SLC25A37: variants seen among roughly 807,000 people sequenced by gnomAD.
SLC25A37 encodes solute carrier family 25 member 37, also known as mitoferrin-1.
SLC25A37 carries 17 observed loss-of-function variants against 31.0 expected under a neutral mutation model. That is an observed-to-expected ratio of 0.55 (90% CI 0.38 to 0.82). SLC25A37 has a LOEUF of 0.82. SLC25A37 is among the 40% of genes least tolerant of loss of function. The pLI is 0.00. For missense variants in SLC25A37, 404 were observed against 465.8 expected (o/e 0.87, Z 1.22); for synonymous variants, 222 against 193.0 (o/e 1.15, Z -1.24).
rs2117480443 is a variant in SLC25A37 at position 23,575,407 on chromosome 8, A to G, written c.*3552A>G. The G allele has an allele frequency of 6.6e-6, 1 of 152,286 alleles. No individual in the cohort carries two copies. The highest frequency in any genetic ancestry group is 2.4e-5 in the African/African-American group (1 of 41,550). The allele number at this position is 152,286 out of a possible 1,614,324, so 9.4% of individuals were successfully genotyped here. A position where few individuals can be genotyped will look rare whatever the true frequency, so the allele number is the denominator to read the frequency against. On this transcript the variant is annotated 3_prime_UTR_variant, in exon 4 of 4. Transcript: ENST00000519973. ...GTTTTTGTGTGGGGATGTTTCTGAT[A>G]TGCTGCTACAGTTGCAAAACACTGG...
intron 1 of SLC25A37, among the ~76,000 whole-genome samples, chr8:23,544,011 C>T (rs1013701820): frequency 6.6e-6 from 1 of 151,968 alleles, no homozygotes; most frequent in Non-Finnish European, 1.5e-5. Context: ...CAGGTGTGTG[C>T]CACCACGCCC....
chr8:23,543,828 G>A (rs925687436), intron 1 of SLC25A37, among the ~76,000 whole-genome samples: 6 of 127,560 alleles, frequency 4.7e-5, no homozygotes, highest in African/African-American at 1.0e-4. Flanking sequence ...GAGCCACTGC[G>A]CCCAGCAAAA....
At chr8:23,537,564 G>A (rs984689961) in intron 1 of SLC25A37, among the ~76,000 whole-genome samples, 22 of 152,332 alleles carry the variant, frequency 1.4e-4, no homozygotes, top group African/African-American at 5.3e-4. Context: ...TTCCTGGTGG[G>A]CTGCAGTTTT....
intron 3 of SLC25A37, among the ~76,000 whole-genome samples, chr8:23,570,878 A>G (rs1306447321): frequency 6.6e-6 from 1 of 152,192 alleles, no homozygotes; most frequent in East Asian, 1.9e-4. Context: ...TTAGAGGCAC[A>G]AACCCCTGAG....
At chr8:23,538,216 A>G (rs1801810869) in intron 1 of SLC25A37, among the ~76,000 whole-genome samples, 1 of 151,656 alleles carries the variant, frequency 6.6e-6, no homozygotes. Flanking sequence ...CCCCGTCTCT[A>G]CTAAAAATAC....
At chr8:23,562,930 T>C (rs2928665) in intron 1 of SLC25A37, among the ~76,000 whole-genome samples, 52,778 of 152,008 alleles carry the variant, frequency 0.35, 9,482 homozygotes, top group African/African-American at 0.43. Flanking sequence ...AGGTGACACG[T>C]GAAGCTTTAT....
chr8:23,564,765 C>G (rs568956106), intron 1 of SLC25A37, among the ~76,000 whole-genome samples: 50 of 152,270 alleles, frequency 3.3e-4, no homozygotes, highest in African/African-American at 1.2e-3. Flanking sequence ...ACAGAGACAT[C>G]TATATCCGGC....
chr8:23,559,362 TGC>T (rs201664347), intron 1 of SLC25A37, among the ~76,000 whole-genome samples: 2 of 151,272 alleles, frequency 1.3e-5, no homozygotes, highest in East Asian at 3.9e-4. Flanking sequence ...TGCGTGTGTG[TGC>T]GCGCGCGCGT....
At chr8:23,551,397 G>T (rs369098462) in intron 1 of SLC25A37, among the ~76,000 whole-genome samples, 2 of 152,104 alleles carry the variant, frequency 1.3e-5, no homozygotes, top group African/African-American at 4.8e-5. Flanking sequence ...CCTTCTGTGA[G>T]TTGGGGCAGC....
At chr8:23,534,125 A>AT (rs1368109001) in intron 1 of SLC25A37, among the ~76,000 whole-genome samples, 2 of 151,456 alleles carry the variant, frequency 1.3e-5, no homozygotes, top group South Asian at 2.1e-4. Flanking sequence ...ATTTTTTTGT[A>AT]TTTTTTTGTA....
chr8:23,568,821 T>C (rs987580013), intron 3 of SLC25A37: 1 of 193,318 alleles, frequency 5.2e-6, no homozygotes, highest in Non-Finnish European at 1.1e-5. Context: ...TGTGCACCTG[T>C]AATCCCAGCT....
intron 1 of SLC25A37, among the ~76,000 whole-genome samples, chr8:23,561,942 G>T (rs1047663685): frequency 6.6e-6 from 1 of 152,216 alleles, no homozygotes; most frequent in East Asian, 1.9e-4. Flanking sequence ...CCGTGACCAA[G>T]GTCACTGGGT....
At chr8:23,562,097 T>C (rs1802530999) in intron 1 of SLC25A37, among the ~76,000 whole-genome samples, 1 of 152,204 alleles carries the variant, frequency 6.6e-6, no homozygotes, top group Non-Finnish European at 1.5e-5. Context: ...TTGCAAAACC[T>C]TGGTAGGACC....
At chr8:23,566,767 G>GTT (rs1802672175) in intron 2 of SLC25A37, 1 of 991,906 alleles carries the variant, frequency 1.0e-6, no homozygotes, top group African/African-American at 1.8e-5. Flanking sequence ...TTTAAAAACT[G>GTT]GTACAACAGG....
intron 2 of SLC25A37, chr8:23,566,850 A>G (rs1189356641): frequency 1.0e-6 from 1 of 985,102 alleles, no homozygotes; most frequent in Non-Finnish European, 1.2e-6. Flanking sequence ...GACTCGCGCA[A>G]CGCAGAAGGC....
At chr8:23,546,558 A>ATATATATATATATATATATATAGGTG (rs1563256117) in intron 1 of SLC25A37, among the ~76,000 whole-genome samples, 1 of 32,698 alleles carries the variant, frequency 3.1e-5, no homozygotes, top group Non-Finnish European at 5.9e-5. Flanking sequence ...TATATAGTGT[A>ATATATATATATATATATATATAGGTG]TATATATATA....
At chr8:23,535,463 A>G (rs935619534) in intron 1 of SLC25A37, among the ~76,000 whole-genome samples, 1 of 152,190 alleles carries the variant, frequency 6.6e-6, no homozygotes, top group Non-Finnish European at 1.5e-5. Context: ...ATAAGGGAAC[A>G]GGTGTCTTCA....
rs188050776 is a variant in SLC25A37 at position 23,546,101 on chromosome 8, C to A, written c.210+16889C>A. ...ATTGAGCTGAGATCATGCCATTGCA[C>A]TCCAGGCCGGGCAACAAGAGCAAGA... is the stretch of plus-strand genomic sequence containing the variant. On this transcript the variant is annotated intron_variant, in intron 1 of 3. Coordinates refer to ENST00000519973, the MANE Select transcript of SLC25A37 (RefSeq NM_016612.4). Among the ~76,000 whole-genome samples the A allele has an allele frequency of 2.2e-4, 33 of 151,242 alleles. No individual in the cohort carries two copies. In the East Asian group the frequency reaches 6.1e-3, roughly 28 times the overall value.
chr8:23,568,288 C>A, intron 2 of SLC25A37, 34 bp from the exon 3 acceptor site: 2 of 1,611,814 alleles, frequency 1.2e-6, no homozygotes, highest in Non-Finnish European at 1.7e-6. Flanking sequence ...AACACCCGAT[C>A]GCAGAGGGTA....
Sources: allele counts gnomAD v4.1 joint callset (sites outside exome capture counted in the v4.1 genomes callset), GRCh38; gene constraint gnomAD v4.1.1; transcripts MANE v1.5; gene names NCBI Gene and HGNC (gene_info 2026-07-23, HGNC 2026-07-21).